Variants in MYSM1 observed in about 807,000 individuals in gnomAD.
The protein encoded by MYSM1 is Myb like, SWIRM and MPN domains 1, also known as deubiquitinase MYSM1.
Under a neutral mutation model 116.0 loss-of-function variants are expected in MYSM1, and 51 were observed. That is an observed-to-expected ratio of 0.44 (90% CI 0.35 to 0.56). The LOEUF (loss-of-function observed/expected upper bound fraction) is 0.56, where lower values mean the gene tolerates loss of function less well. Ranked by LOEUF, MYSM1 falls within the 20% of genes least tolerant of loss-of-function variation. The pLI is 0.00. For missense variants in MYSM1, 900 were observed against 974.9 expected (o/e 0.92, Z 1.02); for synonymous variants, 313 against 315.2 (o/e 0.99, Z 0.07).
At chr1:58,667,352 T>G (rs232794) in intron 15 of MYSM1, 126 bp from the exon 16 acceptor site, 130,446 of 621,650 alleles carry the variant, frequency 0.21, 16,151 homozygotes, top group African/African-American at 0.41. Context: ...AATACCACAG[T>G]TGCCTTTAAC....
At chr1:58,684,028 T>C (rs1430744863) in intron 7 of MYSM1, among the ~76,000 whole-genome samples, 1 of 152,172 alleles carries the variant, frequency 6.6e-6, no homozygotes, top group Non-Finnish European at 1.5e-5. Context: ...TATTCTGTTC[T>C]GAGGTATTAA....
At chr1:58,693,607 C>G (rs1378189814) in intron 2 of MYSM1, among the ~76,000 whole-genome samples, 1 of 152,142 alleles carries the variant, frequency 6.6e-6, no homozygotes, top group African/African-American at 2.4e-5. Context: ...ATGCCCATAT[C>G]CAATCTATCA....
rs1053660004 is a variant in MYSM1, at chr1:58,692,804, T to C, written c.218+57A>G. 8 of 1,391,718 alleles carry C rather than the reference T, an allele frequency of 5.7e-6. No individual in the cohort carries two copies. In the African/African-American group the frequency reaches 5.8e-5, roughly 10 times the overall value. The allele number at this position is 1,391,718 out of a possible 1,614,324, so 86.2% of individuals were successfully genotyped here. On this transcript the variant is annotated intron_variant, in intron 3 of 19. Coordinates refer to ENST00000472487, the MANE Select transcript of MYSM1 (RefSeq NM_001085487.3). ...ACAGTGGCCTCTTGTAAATTTTGCA[T>C]TTATAGATTTTTTTCACCCTGAAAC... is the stretch of plus-strand genomic sequence containing the variant.
In MYSM1 at chr1:58,667,123, A is replaced by C; in HGVS notation, c.1946T>G (p.Phe649Cys). 1 of 1,613,670 alleles carries C rather than the reference A, an allele frequency of 6.2e-7. No homozygotes were observed. The highest frequency in any genetic ancestry group is 1.1e-5 in the South Asian group (1 of 91,028). ...AGAATGATACCATCCAATAACACTGAAGCCTCTAACAGCCAAGGTTTCTGA... is the reference window on the plus strand; with the variant it reads ...AGAATGATACCATCCAATAACACTGCAGCCTCTAACAGCCAAGGTTTCTGA... ...QASETLAVRGFSVIGWYHSHP... is the reference protein window; with the variant it reads ...QASETLAVRGCSVIGWYHSHP... Residue 649 changes from phenylalanine to cysteine, a missense_variant, in exon 16 of 20, where the codon TTC (phenylalanine) becomes TGC (cysteine). Physicochemically the swap from Phe to Cys is radical, Grantham distance 205. This residue lies in a region of MYSM1 where 92 missense variants were observed against 155.0 expected (regional missense o/e 0.59). Coordinates refer to ENST00000472487, the MANE Select transcript of MYSM1 (RefSeq NM_001085487.3).
chr1:58,699,504 G>A, intron 1 of MYSM1: 1 of 404,248 alleles, frequency 2.5e-6, no homozygotes, highest in Non-Finnish European at 3.3e-6. Flanking sequence ...CTAAAACCTG[G>A]CCCATTTAAG....
rs951779217 is a variant in MYSM1 at position 58,655,262 on chromosome 1, A to C, written c.*4735T>G. On this transcript the variant is annotated 3_prime_UTR_variant, in exon 20 of 20. Transcript: ENST00000472487. ...TGAAACAGGAATATAAACTATGAAA[A>C]CATATTTAACTGACTTCTTAAGAGA... The C allele has an allele frequency of 4.6e-5, 7 of 152,214 alleles. No homozygotes were observed. Among genetic ancestry groups the C allele is most frequent in the African/African-American group, 1.7e-4 (7 of 41,468 alleles). The allele number at this position is 152,214 out of a possible 1,614,324, so 9.4% of individuals were successfully genotyped here.
In MYSM1 at chr1:58,658,958, A is replaced by ACACACACAC. The variant is rs371853067; in HGVS notation, c.*1038_*1039insGTGTGTGTG. 1.5e-5 allele frequency: 2 copies of ACACACACAC among 137,878 alleles called. No individual in the cohort carries two copies. The highest frequency in any genetic ancestry group is 5.4e-5 in the African/African-American group (2 of 37,052). 8.5% of individuals were successfully genotyped at this position (137,878 alleles called of 1,614,324 possible). On this transcript the variant is annotated 3_prime_UTR_variant, in exon 20 of 20. Coordinates refer to ENST00000472487, the MANE Select transcript of MYSM1 (RefSeq NM_001085487.3). ...TTTTTATCATTTTAAAGGGCTGTAA[A>ACACACACAC]ACACACACACACACACACACACACA...
intron 6 of MYSM1, among the ~76,000 whole-genome samples, chr1:58,688,109 A>T (rs1049295074): frequency 2.0e-5 from 3 of 149,480 alleles, no homozygotes; most frequent in Non-Finnish European, 4.5e-5. Context: ...ATATCAATAT[A>T]AAAAAAAAAT....
chr1:58,679,606 A>C (rs1250895879), intron 8 of MYSM1, among the ~76,000 whole-genome samples: 1 of 152,130 alleles, frequency 6.6e-6, no homozygotes, highest in Non-Finnish European at 1.5e-5. Context: ...CTACAGGCAC[A>C]CAACACCGCG....
rs866468317 is a variant in MYSM1 at position 58,685,239 on chromosome 1, G to C, written c.412C>G (p.Arg138Gly). 1 of 1,605,072 alleles carries C rather than the reference G, an allele frequency of 6.2e-7. No individual in the cohort carries two copies. The highest frequency in any genetic ancestry group is 8.5e-7 in the Non-Finnish European group (1 of 1,177,072). Reference protein sequence around the residue: ...LFEQGLAKFGRRWTKISKLIG... With the variant: ...LFEQGLAKFGGRWTKISKLIG... ...AGCTTTGAAATTTTGGTCCATCTTC[G>C]GCCAAATTTAGCCTGTATTATTAAA... Residue 138 changes from arginine (R) to glycine (G), a missense_variant, in exon 7 of 20, where the codon CGA becomes GGA. Physicochemically the swap from Arg to Gly is moderately radical, Grantham distance 125. Around this residue, in one of 3 missense-constraint regions of MYSM1, gnomAD observed 622 missense variants for 623.7 expected, o/e 1.00. Transcript: ENST00000472487.
chr1:58,692,596 C>G, intron 3 of MYSM1: 1 of 278,252 alleles, frequency 3.6e-6, no homozygotes, highest in Non-Finnish European at 6.6e-6. Flanking sequence ...AATATTCTAT[C>G]ATTTCTACTC....
At chr1:58,668,848 C>T (rs1194666049) in intron 13 of MYSM1, 136 bp downstream of exon 13, 11 of 987,766 alleles carry the variant, frequency 1.1e-5, no homozygotes, top group Non-Finnish European at 1.7e-5. Context: ...ATTTAAAATT[C>T]CAGCAGGGAG....
chr1:58,680,293 G>C (rs1292599240), intron 8 of MYSM1, among the ~76,000 whole-genome samples: 1 of 152,082 alleles, frequency 6.6e-6, no homozygotes, highest in Non-Finnish European at 1.5e-5. Context: ...ATCCAAGGCA[G>C]GTCCCTAAAC....
At position 58,692,167 on chromosome 1, in the gene MYSM1, G is replaced by A. The variant is rs565851032; in HGVS notation, c.218+694C>T. On this transcript the variant is annotated intron_variant, in intron 3 of 19. Transcript: ENST00000472487. ...AACCTATGATAATTAAAGGTACAGAGACACTCTAAAATCAACATGGCAATA... is the reference window on the plus strand; with the variant it reads ...AACCTATGATAATTAAAGGTACAGAAACACTCTAAAATCAACATGGCAATA... Among the ~76,000 whole-genome samples the A allele has an allele frequency of 6.6e-5, 10 of 152,236 alleles. No individual in the cohort carries two copies. The South Asian group carries it at 2.1e-3, about 32-fold the overall frequency.
At chr1:58,673,725 T>A in intron 10 of MYSM1, 75 bp from the exon 11 acceptor site, 2 of 1,225,032 alleles carry the variant, frequency 1.6e-6, no homozygotes, top group South Asian at 1.3e-5. Context: ...ATACACAAAA[T>A]GAAAACAATA....
At chr1:58,687,315 A>T (rs1413882660) in intron 6 of MYSM1, among the ~76,000 whole-genome samples, 1 of 152,238 alleles carries the variant, frequency 6.6e-6, no homozygotes, top group African/African-American at 2.4e-5. Context: ...GGAAGAAAAC[A>T]CAAAGAAGAC....
chr1:58,666,986 A>T (rs1644483564), intron 16 of MYSM1, 52 bp downstream of exon 16: 4 of 956,900 alleles, frequency 4.2e-6, no homozygotes, highest in Non-Finnish European at 6.1e-6. Flanking sequence ...TTTAAAAGGG[A>T]GCATTGAGGG....
rs1474115023 is a variant in MYSM1, at chr1:58,667,185, T to C, written c.1884A>G (p.Leu628=). The C allele has an allele frequency of 2.5e-6, 4 of 1,610,024 alleles. No homozygotes were observed. The highest frequency in any genetic ancestry group is 2.2e-5 in the East Asian group (1 of 44,734). ...AEPCNSLSTG[L]QCEMDPVSQT... is the part of the protein sequence containing the mutation. Reference sequence around the variant, plus strand: ...GTGATACAGGATCCATCTCACACTGTAGTCCTGTACTCAGACTGTTACATG... The same window carrying C: ...GTGATACAGGATCCATCTCACACTGCAGTCCTGTACTCAGACTGTTACATG... The change falls in exon 16 of 20, where the codon CTA becomes CTG. Residue 628 remains leucine (L), a synonymous_variant. Transcript: ENST00000472487.
chr1:58,698,088 A>C (rs1049951421), intron 1 of MYSM1, among the ~76,000 whole-genome samples: 1,366 of 28,686 alleles, frequency 0.048, 136 homozygotes, highest in South Asian at 0.074. Context: ...ATCAGACTAT[A>C]TATATATATA....
Sources: gnomAD v4.1 joint callset for allele counts (sites outside exome capture counted in the v4.1 genomes callset) on GRCh38, gnomAD v4.1.1 for gene constraint, gnomAD v4.1.1 regional missense constraint, MANE v1.5 for transcripts, NCBI Gene and HGNC (gene_info 2026-07-23, HGNC 2026-07-21) for gene names.